The following LRRIQ3 variants were observed in gnomAD, a reference collection of about 807,000 sequenced individuals.
The protein encoded by LRRIQ3 is leucine-rich repeat and IQ domain-containing protein 3.
A neutral mutation model predicts 59.3 loss-of-function variants in LRRIQ3; 75 were observed. That is an observed-to-expected ratio of 1.26 (90% CI 1.05 to 1.53). The LOEUF is 1.53. LRRIQ3 is among the 40% of genes most tolerant of loss of function. LRRIQ3 has a pLI of 0.00. For missense variants in LRRIQ3, 831 were observed against 710.0 expected (o/e 1.17, Z -1.94); for synonymous variants, 250 against 231.3 (o/e 1.08, Z -0.73).
intron 3 of LRRIQ3, among the ~76,000 whole-genome samples, chr1:74,177,620 T>C (rs181553478): frequency 2.8e-4 from 42 of 152,178 alleles, no homozygotes; most frequent in Non-Finnish European, 5.3e-4. Flanking sequence ...GTATAATTTT[T>C]AAGATATTAA....
intron 3 of LRRIQ3, among the ~76,000 whole-genome samples, chr1:74,177,977 A>G (rs1300990033): frequency 1.3e-5 from 2 of 151,976 alleles, no homozygotes. Context: ...GCATAATACT[A>G]TTGTGCACAT....
At chr1:74,088,085 T>A (rs1296103125) in intron 5 of LRRIQ3, among the ~76,000 whole-genome samples, 1 of 151,842 alleles carries the variant, frequency 6.6e-6, no homozygotes, top group Non-Finnish European at 1.5e-5. Flanking sequence ...AGAGTGAGAC[T>A]CCATCAAACA....
At chr1:74,063,120 C>T (rs776674024) in intron 6 of LRRIQ3, among the ~76,000 whole-genome samples, 4 of 149,324 alleles carry the variant, frequency 2.7e-5, no homozygotes, top group Non-Finnish European at 6.0e-5. Flanking sequence ...ACCCCAAAAC[C>T]AAACAACAAC....
chr1:74,136,360 A>G (rs1045537923), intron 4 of LRRIQ3, among the ~76,000 whole-genome samples: 1 of 151,914 alleles, frequency 6.6e-6, no homozygotes, highest in African/African-American at 2.4e-5. Flanking sequence ...AGAAAGAAAC[A>G]CATCCCAATT....
At chr1:74,136,078 A>G (rs1647118386) in intron 4 of LRRIQ3, among the ~76,000 whole-genome samples, 1 of 151,974 alleles carries the variant, frequency 6.6e-6, no homozygotes, top group Non-Finnish European at 1.5e-5. Context: ...GAAATTAAAA[A>G]TATCAAAAGA....
intron 6 of LRRIQ3, among the ~76,000 whole-genome samples, chr1:74,060,632 G>A (rs565488240): frequency 6.6e-6 from 1 of 152,022 alleles, no homozygotes; most frequent in East Asian, 1.9e-4. Flanking sequence ...GATGGTGCAT[G>A]ACTGTAGTCC....
At chr1:74,180,680 T>A in intron 3 of LRRIQ3, 1 of 1,539,764 alleles carries the variant, frequency 6.5e-7, no homozygotes, top group Non-Finnish European at 8.8e-7. Context: ...TGTGATGCAA[T>A]GTTGACTGCA....
At chr1:74,189,994 C>A (rs1432804117) in intron 1 of LRRIQ3, among the ~76,000 whole-genome samples, 1 of 152,122 alleles carries the variant, frequency 6.6e-6, no homozygotes, top group African/African-American at 2.4e-5. Flanking sequence ...ATCAAGGGAC[C>A]TGCAGTTTCC....
intron 6 of LRRIQ3, among the ~76,000 whole-genome samples, chr1:74,047,556 C>T (rs960936546): frequency 4.6e-5 from 7 of 151,882 alleles, no homozygotes; most frequent in Non-Finnish European, 8.8e-5. Flanking sequence ...CAAACCTGCA[C>T]GTTCTGCACA....
At chr1:74,168,852 A>G (rs1300443289) in intron 3 of LRRIQ3, among the ~76,000 whole-genome samples, 1 of 152,148 alleles carries the variant, frequency 6.6e-6, no homozygotes, top group Non-Finnish European at 1.5e-5. Context: ...TCAAGGTAAT[A>G]AATATATCCA....
rs1169649975 is a variant in LRRIQ3 at position 74,183,645 on chromosome 1, C to T, written c.40G>A (p.Glu14Lys). The T allele has an allele frequency of 1.2e-6, 2 of 1,609,280 alleles. No homozygotes were observed. The highest frequency in any genetic ancestry group is 1.7e-5 in the Admixed American group (1 of 59,460). The change falls in exon 2 of 8, where the codon GAA becomes AAA. Residue 14 changes from glutamate (E) to lysine (K), a missense_variant. Physicochemically the swap from Glu to Lys is moderately conservative, Grantham distance 56. Coordinates refer to ENST00000354431, the MANE Select transcript of LRRIQ3 (RefSeq NM_001105659.2). ...GTVTEELTSH[E>K]EWSHYNENIR... Reference sequence around the variant, plus strand: ...TTTTCATTATAGTGACTCCATTCTTCATGACTGGTTAGCTCTTCTGTGACT... The same window carrying T: ...TTTTCATTATAGTGACTCCATTCTTTATGACTGGTTAGCTCTTCTGTGACT...
intron 1 of LRRIQ3, among the ~76,000 whole-genome samples, chr1:74,196,777 T>C (rs1245847062): frequency 2.0e-5 from 3 of 152,208 alleles, no homozygotes; most frequent in Admixed American, 2.0e-4. Context: ...CCATTCCCAC[T>C]GCTACCATCC....
chr1:74,044,707 A>G (rs1269195173), intron 6 of LRRIQ3, among the ~76,000 whole-genome samples: 1 of 152,074 alleles, frequency 6.6e-6, no homozygotes, highest in African/African-American at 2.4e-5. Context: ...AACAAAATAG[A>G]CCACTAGCCA....
At chr1:74,042,262 T>A (rs985394516) in intron 6 of LRRIQ3, among the ~76,000 whole-genome samples, 3 of 152,136 alleles carry the variant, frequency 2.0e-5, no homozygotes, top group Non-Finnish European at 4.4e-5. Flanking sequence ...TCATATAGTT[T>A]GCTAAAAGAA....
intron 4 of LRRIQ3, chr1:74,138,627 C>T (rs532052320): frequency 1.6e-4 from 42 of 264,804 alleles, no homozygotes; most frequent in Admixed American, 1.3e-3. Context: ...AAGCAGCCAG[C>T]GAAGACTGTA....
intron 5 of LRRIQ3, among the ~76,000 whole-genome samples, chr1:74,098,717 G>T (rs913823247): frequency 1.3e-5 from 2 of 152,134 alleles, no homozygotes; most frequent in African/African-American, 2.4e-5. Context: ...TCAGACCACA[G>T]TGCAATCAAA....
chr1:74,031,078 G>A (rs192806825), intron 7 of LRRIQ3, among the ~76,000 whole-genome samples: 7 of 152,288 alleles, frequency 4.6e-5, no homozygotes, highest in Admixed American at 2.0e-4. Flanking sequence ...TCTCACACCA[G>A]TTAGAATGGC....
At chr1:74,121,345 G>A (rs1236662239) in intron 4 of LRRIQ3, among the ~76,000 whole-genome samples, 1 of 152,010 alleles carries the variant, frequency 6.6e-6, no homozygotes, top group Non-Finnish European at 1.5e-5. Flanking sequence ...GTTTATTACT[G>A]AAAACAAACC....
intron 5 of LRRIQ3, among the ~76,000 whole-genome samples, chr1:74,101,239 G>C (rs1219004185): frequency 1.3e-5 from 2 of 152,124 alleles, no homozygotes; most frequent in Admixed American, 6.6e-5. Flanking sequence ...CCATCAAAAA[G>C]TGGGCAATGG....
Sources: gnomAD v4.1 joint callset for allele counts (sites outside exome capture counted in the v4.1 genomes callset) on GRCh38, gnomAD v4.1.1 for gene constraint, MANE v1.5 for transcripts, NCBI Gene and HGNC (gene_info 2026-07-23, HGNC 2026-07-21) for gene names.